The following RBFOX1 variants were observed in gnomAD, a reference collection of about 807,000 sequenced individuals.
The protein encoded by RBFOX1 is RNA binding fox-1 homolog 1.
RBFOX1 carries 8 observed loss-of-function variants against 57.7 expected under a neutral mutation model. That is an observed-to-expected ratio of 0.14 (90% CI 0.08 to 0.25). The LOEUF is 0.25. Among genes scored for constraint, RBFOX1 ranks in the 10% least tolerant of loss-of-function variants. The pLI is 1.00. For synonymous variants in RBFOX1, 326 were observed against 222.4 expected (o/e 1.47, Z -4.15); for missense variants, 611 against 548.5 (o/e 1.11, Z -1.14).
intron 1 of RBFOX1, among the ~76,000 whole-genome samples, chr16:6,248,729 C>G (rs193074546): frequency 5.9e-5 from 9 of 151,998 alleles, no homozygotes; most frequent in African/African-American, 2.2e-4. Flanking sequence ...ATTGGGCTTC[C>G]GAGATTCAAA....
chr16:5,902,132 T>G (rs2058318457), intron 4 of RBFOX1, among the ~76,000 whole-genome samples: 1 of 152,324 alleles, frequency 6.6e-6, no homozygotes, highest in Non-Finnish European at 1.5e-5. Flanking sequence ...TACCCATTAT[T>G]GTTCACCTGC....
At chr16:6,561,417 C>T (rs76054790) in intron 2 of RBFOX1, among the ~76,000 whole-genome samples, 1,586 of 152,246 alleles carry the variant, frequency 0.01, 37 homozygotes, top group African/African-American at 0.036. Flanking sequence ...AAAATTAGAA[C>T]GTGTACCAAA....
intron 3 of RBFOX1, among the ~76,000 whole-genome samples, chr16:6,777,190 G>C (rs1462830871): frequency 6.6e-6 from 1 of 152,132 alleles, no homozygotes; most frequent in East Asian, 1.9e-4. Flanking sequence ...CTTTAGAAAA[G>C]TGATAATATG....
At chr16:5,248,878 C>T (rs111459622) in intron 1 of RBFOX1, among the ~76,000 whole-genome samples, 2 of 150,354 alleles carry the variant, frequency 1.3e-5, no homozygotes, top group South Asian at 2.1e-4. Context: ...ATCCCAGCTA[C>T]TCGGGAAGCT....
chr16:5,878,499 C>CAAAGATCT (rs1419687885), intron 4 of RBFOX1, among the ~76,000 whole-genome samples: 1 of 152,128 alleles, frequency 6.6e-6, no homozygotes, highest in Non-Finnish European at 1.5e-5. Flanking sequence ...TCTGAACCAG[C>CAAAGATCT]GGTCCAGCAA....
chr16:6,167,027 C>A (rs1458242341), intron 1 of RBFOX1, among the ~76,000 whole-genome samples: 1 of 152,146 alleles, frequency 6.6e-6, no homozygotes, highest in African/African-American at 2.4e-5. Context: ...CCTGCCTCAG[C>A]CTCCCAAAGT....
Position 6,847,097 on chromosome 16 carries a change from T to C in RBFOX1, c.-16+192447T>C, listed in dbSNP as rs143608909. On this transcript the variant is annotated intron_variant, in intron 3 of 15. Coordinates refer to ENST00000550418, the MANE Select transcript of RBFOX1 (RefSeq NM_018723.4). ...CATCTTTCCTTCCCAGAGAACTTTA[T>C]CTTGCCTCAGTCAACCCTGCTCAGA... is the stretch of plus-strand genomic sequence containing the variant. Among the ~76,000 whole-genome samples, 593 of 152,298 alleles carry C rather than the reference T, an allele frequency of 3.9e-3. 4 individuals carry two copies. The highest frequency in any genetic ancestry group is 0.02 in the Middle Eastern group (6 of 294).
chr16:6,525,167 A>G (rs2096561408), intron 2 of RBFOX1, among the ~76,000 whole-genome samples: 1 of 152,178 alleles, frequency 6.6e-6, no homozygotes, highest in South Asian at 2.1e-4. Context: ...AACATCCTGA[A>G]CTATAGTAAG....
chr16:5,735,875 C>A (rs1248623832), intron 3 of RBFOX1, among the ~76,000 whole-genome samples: 2 of 152,020 alleles, frequency 1.3e-5, no homozygotes, highest in East Asian at 3.9e-4. Context: ...GACTCTGTCT[C>A]AAAAAACAAA....
intron 3 of RBFOX1, among the ~76,000 whole-genome samples, chr16:5,756,037 G>A (rs1243947512): frequency 6.6e-6 from 1 of 152,010 alleles, no homozygotes; most frequent in Non-Finnish European, 1.5e-5. Flanking sequence ...GCAGTGGAAA[G>A]CCATGAGAAA....
intron 2 of RBFOX1, among the ~76,000 whole-genome samples, chr16:5,586,680 G>T (rs2046839777): frequency 1.3e-5 from 2 of 152,138 alleles, no homozygotes; most frequent in African/African-American, 4.8e-5. Context: ...TTTTCTGCCT[G>T]TAGAGAGGGG....
chr16:6,858,403 C>T, intron 3 of RBFOX1, among the ~76,000 whole-genome samples: 1 of 152,078 alleles, frequency 6.6e-6, no homozygotes, highest in East Asian at 1.9e-4. Flanking sequence ...TTGTGTTGTT[C>T]TTTCTTCTTT....
chr16:7,503,879 G>A (rs1316356746), intron 4 of RBFOX1, among the ~76,000 whole-genome samples: 2 of 152,162 alleles, frequency 1.3e-5, no homozygotes, highest in African/African-American at 4.8e-5. Context: ...ACTCAGGAAT[G>A]GATGGCAGTG....
chr16:6,493,789 G>A (rs1042341780), intron 2 of RBFOX1, among the ~76,000 whole-genome samples: 4 of 152,186 alleles, frequency 2.6e-5, no homozygotes, highest in African/African-American at 9.6e-5. Context: ...AGAAACCTGT[G>A]CACTTCACTC....
intron 13 of RBFOX1, among the ~76,000 whole-genome samples, chr16:7,672,864 T>TAAAAA (rs1568390861): frequency 2.9e-3 from 2 of 678 alleles, no homozygotes; most frequent in South Asian, 0.083. Context: ...AGACTCCATC[T>TAAAAA]CAAAAAAAAA....
At chr16:7,222,622 A>G (rs143614626) in intron 4 of RBFOX1, among the ~76,000 whole-genome samples, 24 of 152,280 alleles carry the variant, frequency 1.6e-4, no homozygotes, top group African/African-American at 5.5e-4. Context: ...GCCGCTTATG[A>G]TCTGTGTGCA....
chr16:7,112,677 TGG>T lies in RBFOX1; in HGVS notation c.27+60581_27+60582del, dbSNP rs1491534402. Among the ~76,000 whole-genome samples, 224 of 148,912 alleles carry T rather than the reference TGG, an allele frequency of 1.5e-3. 1 individual carries two copies. Among genetic ancestry groups the T allele is most frequent in the East Asian group, 4.6e-3 (23 of 4,962 alleles). ...AATATGTAAACTCTGTGTGTGTGTGTGGGTGTGGGTGTGTCTCTCTGTCTGTC... is the reference window on the plus strand; with the variant it reads ...AATATGTAAACTCTGTGTGTGTGTGTGTGTGGGTGTGTCTCTCTGTCTGTC... On this transcript the variant is annotated intron_variant, in intron 4 of 15. Coordinates refer to ENST00000550418, the MANE Select transcript of RBFOX1 (RefSeq NM_018723.4).
intron 3 of RBFOX1, among the ~76,000 whole-genome samples, chr16:6,750,764 T>C (rs1204958975): frequency 6.6e-6 from 1 of 152,214 alleles, no homozygotes; most frequent in Admixed American, 6.5e-5. Flanking sequence ...CCCTTGCCTT[T>C]GTGGACTAAT....
At chr16:6,143,536 G>T (rs1003367568) in intron 1 of RBFOX1, among the ~76,000 whole-genome samples, 1 of 152,154 alleles carries the variant, frequency 6.6e-6, no homozygotes, top group African/African-American at 2.4e-5. Context: ...CTATTGAGAA[G>T]TGGCCTCTTT....
Sources: gnomAD v4.1 joint callset for allele counts (sites outside exome capture counted in the v4.1 genomes callset) on GRCh38, gnomAD v4.1.1 for gene constraint, MANE v1.5 for transcripts, NCBI Gene and HGNC (gene_info 2026-07-23, HGNC 2026-07-21) for gene names.